The following UBR3 variants were observed in gnomAD, a reference collection of about 807,000 sequenced individuals.
The protein encoded by UBR3 is E3 ubiquitin-protein ligase UBR3.
Under a neutral mutation model 243.2 loss-of-function variants are expected in UBR3, and 85 were observed. The ratio of observed to expected loss-of-function variants is 0.35; its 90% CI spans 0.29 to 0.42. The LOEUF is 0.42. UBR3 is among the 10% of genes least tolerant of loss of function. The probability of loss-of-function intolerance (pLI) is 1.00; values close to 1 mark genes in which losing one functional copy is unlikely to be tolerated. For synonymous variants in UBR3, 748 were observed against 799.8 expected, an observed-to-expected ratio of 0.94 and a Z score of 1.09; for missense variants, 1,686 against 2,300.8, an observed-to-expected ratio of 0.73 and a Z score of 5.47.
rs538645529 is a variant in UBR3 at position 170,004,677 on chromosome 2, GAGGTGGGTGGATCACCTGAGGTC to G, written c.4030-2309_4030-2287del. On this transcript the variant is annotated intron_variant, in intron 27 of 38. Coordinates refer to ENST00000272793, the MANE Select transcript of UBR3 (RefSeq NM_172070.4). ...TATAATTTCAGCACTTTGGGAGGCT[GAGGTGGGTGGATCACCTGAGGTC>G]AGGAGTTCGAGACCAGCCTGGCCAA... Among the ~76,000 whole-genome samples the G allele has an allele frequency of 5.7e-3, 872 of 152,208 alleles. 7 individuals carry two copies. The highest frequency in any genetic ancestry group is 0.02 in the African/African-American group (823 of 41,532).
At chr2:170,027,694 G>A (rs2090566759) in intron 30 of UBR3, among the ~76,000 whole-genome samples, 1 of 151,784 alleles carries the variant, frequency 6.6e-6, no homozygotes, top group Non-Finnish European at 1.5e-5. Context: ...GTATTTTTCT[G>A]TGAGAAGAAT....
intron 13 of UBR3, among the ~76,000 whole-genome samples, 167 bp from the exon 14 acceptor site, chr2:169,925,452 T>TA (rs910085313): frequency 3.9e-4 from 59 of 152,118 alleles, no homozygotes; most frequent in African/African-American, 7.2e-4. Context: ...TAATTATTGT[T>TA]AAAAAAAATG....
intron 23 of UBR3, among the ~76,000 whole-genome samples, chr2:169,951,167 A>G (rs896303554): frequency 6.6e-6 from 1 of 152,182 alleles, no homozygotes. Flanking sequence ...TATCATCTCA[A>G]TCTGTTTTAT....
At chr2:170,061,513 A>T (rs2091456486) in intron 35 of UBR3, 70 bp downstream of exon 35, 3 of 1,569,724 alleles carry the variant, frequency 1.9e-6, no homozygotes, top group Non-Finnish European at 2.6e-6. Context: ...TGTTGCCCAG[A>T]CTGGAGTGCA....
At chr2:169,836,055 A>T (rs2082092070) in intron 1 of UBR3, among the ~76,000 whole-genome samples, 2 of 40,634 alleles carry the variant, frequency 4.9e-5, no homozygotes, top group Non-Finnish European at 1.1e-4. Flanking sequence ...ATATATATAT[A>T]TATATATATA....
At chr2:169,987,145 T>C (rs1030524569) in intron 25 of UBR3, among the ~76,000 whole-genome samples, 1 of 152,014 alleles carries the variant, frequency 6.6e-6, no homozygotes, top group Non-Finnish European at 1.5e-5. Flanking sequence ...TTCCAGCACT[T>C]TGGGAGGCTG....
rs2086008256 is a variant in UBR3, at chr2:169,928,866, A to G, written c.2564A>G (p.Lys855Arg). The G allele has an allele frequency of 6.9e-7, 1 of 1,442,374 alleles. No homozygotes were observed. The highest frequency in any genetic ancestry group is 1.5e-5 in the South Asian group (1 of 65,550). The allele number at this position is 1,442,374 out of a possible 1,614,324, so 89.3% of individuals were successfully genotyped here. The change falls in exon 18 of 39, where the codon AAA becomes AGA. Residue 855 changes from lysine to arginine, a missense_variant and splice_region_variant. Lys to Arg is a conservative substitution (Grantham distance 26). Transcript: ENST00000272793. ...ATGCAACAAGGCATGTATACTCCCA[A>G]AGGTATGTTTATATACATAAATGGA... ...GSMQQGMYTP[K>R]AEVWDQEFDP...
chr2:169,919,687 C>G (rs1442877887), intron 11 of UBR3, among the ~76,000 whole-genome samples: 7 of 152,180 alleles, frequency 4.6e-5, no homozygotes, highest in Non-Finnish European at 8.8e-5. Flanking sequence ...GACATTTATG[C>G]AGCCAAAAGA....
chr2:169,940,293 T>C (rs1343102003), intron 19 of UBR3, among the ~76,000 whole-genome samples: 2 of 152,194 alleles, frequency 1.3e-5, no homozygotes, highest in Admixed American at 6.5e-5. Flanking sequence ...AGTACTACTT[T>C]AGTTGTGGCC....
intron 1 of UBR3, among the ~76,000 whole-genome samples, chr2:169,871,743 C>CA (rs562559554): frequency 0.021 from 1,978 of 94,976 alleles, 96 homozygotes; most frequent in African/African-American, 0.062. Context: ...CCAAGACTCT[C>CA]AAAAAAAAAA....
chr2:170,003,106 A>C (rs2089774551), intron 27 of UBR3, among the ~76,000 whole-genome samples: 1 of 152,134 alleles, frequency 6.6e-6, no homozygotes, highest in Non-Finnish European at 1.5e-5. Context: ...TCTGCCTTCT[A>C]AATCTCACTT....
At chr2:169,890,565 G>GTGTGTATATATATATGTATATATATA (rs1559064202) in intron 5 of UBR3, among the ~76,000 whole-genome samples, 10 of 71,220 alleles carry the variant, frequency 1.4e-4, no homozygotes, top group Admixed American at 9.6e-4. Flanking sequence ...ATATATATAT[G>GTGTGTATATATATATGTATATATATA]TGTATATATA....
At chr2:169,999,629 T>A (rs1463819614) in intron 26 of UBR3, among the ~76,000 whole-genome samples, 1 of 152,228 alleles carries the variant, frequency 6.6e-6, no homozygotes, top group African/African-American at 2.4e-5. Context: ...CCCACCCATC[T>A]ATTTACTACA....
chr2:169,901,145 C>G (rs1295661256), intron 8 of UBR3, among the ~76,000 whole-genome samples: 1 of 152,076 alleles, frequency 6.6e-6, no homozygotes, highest in Non-Finnish European at 1.5e-5. Context: ...GCACTTTGTC[C>G]TAGTGTCTCT....
chr2:169,905,606 C>A (rs1010970292), intron 9 of UBR3, among the ~76,000 whole-genome samples: 1 of 152,132 alleles, frequency 6.6e-6, no homozygotes, highest in African/African-American at 2.4e-5. Flanking sequence ...TACTCCTGGG[C>A]TCAACCAATC....
intron 23 of UBR3, among the ~76,000 whole-genome samples, chr2:169,954,489 C>G (rs778772090): frequency 6.6e-6 from 1 of 151,664 alleles, no homozygotes; most frequent in Non-Finnish European, 1.5e-5. Context: ...GTGATCCCCC[C>G]GCCTCAGCCC....
In UBR3 at chr2:170,081,962, C is replaced by A; in HGVS notation, c.*119C>A. ...TGCTGAGGGAGAAAAAGAAAACATA[C>A]ATTATGAAGCCTTTCCAAAATTAGG... is the stretch of plus-strand genomic sequence containing the variant. On this transcript the variant is annotated 3_prime_UTR_variant, in exon 39 of 39. Coordinates refer to ENST00000272793, the MANE Select transcript of UBR3 (RefSeq NM_172070.4). 1 of 693,670 alleles carries A rather than the reference C, an allele frequency of 1.4e-6. No homozygotes were observed. Among genetic ancestry groups the A allele is most frequent in the Non-Finnish European group, 2.2e-6 (1 of 448,364 alleles). 43.0% of individuals were successfully genotyped at this position (693,670 alleles called of 1,614,324 possible). A position where few individuals can be genotyped will look rare whatever the true frequency, so the allele number is the denominator to read the frequency against.
In UBR3 at chr2:170,073,449, C is replaced by G; in HGVS notation, c.5041C>G (p.Leu1681Val). The G allele has an allele frequency of 6.2e-7, 1 of 1,613,506 alleles. No individual in the cohort carries two copies. The highest frequency in any genetic ancestry group is 8.5e-7 in the Non-Finnish European group (1 of 1,179,634). Residue 1681 changes from leucine to valine, a missense_variant, in exon 36 of 39, where the codon CTT (leucine) becomes GTT (valine). Transcript: ENST00000272793. Reference sequence around the variant, plus strand: ...AAAGGAAGAAGAAGAATTTTCAGTTCTTGCCAGCTGCCTGGGACTTCTGCC... The same window carrying G: ...AAAGGAAGAAGAAGAATTTTCAGTTGTTGCCAGCTGCCTGGGACTTCTGCC... Reference protein sequence around the residue: ...SCQEEEEFSVLASCLGLLPTF... With the variant: ...SCQEEEEFSVVASCLGLLPTF...
chr2:169,920,421 C>G (rs185091375), intron 11 of UBR3, among the ~76,000 whole-genome samples: 1 of 152,104 alleles, frequency 6.6e-6, no homozygotes, highest in African/African-American at 2.4e-5. Context: ...ACATATGTAA[C>G]AAACCTGCAC....
Sources: gnomAD v4.1 joint callset for allele counts (sites outside exome capture counted in the v4.1 genomes callset) on GRCh38, gnomAD v4.1.1 for gene constraint, MANE v1.5 for transcripts, NCBI Gene and HGNC (gene_info 2026-07-23, HGNC 2026-07-21) for gene names.